SCHIP1: variants seen among roughly 807,000 people sequenced by gnomAD.
SCHIP1 encodes the protein schwannomin interacting protein 1, also known as schwannomin-interacting protein 1.
Under a neutral mutation model 29.7 loss-of-function variants are expected in SCHIP1, and 8 were observed. The observed-to-expected ratio is 0.27, with a 90% CI of 0.16 to 0.49. The LOEUF is 0.49. SCHIP1 is among the 20% of genes least tolerant of loss of function. The pLI, the probability that SCHIP1 is intolerant of heterozygous loss-of-function variation, is 0.99. For synonymous variants in SCHIP1, 76 were observed against 94.9 expected (o/e 0.80, Z 1.16); for missense variants, 193 against 294.6 (o/e 0.66, Z 2.52).
At chr3:159,328,537 TGTA>T in the SCHIP1 span, among the ~76,000 whole-genome samples, 32,476 of 151,996 alleles carry the variant, frequency 0.21, 3,573 homozygotes, top group Middle Eastern at 0.29. Flanking sequence ...TTAAAAGATA[TGTA>T]GTTTTACCTC....
chr3:159,437,233 A>G, the SCHIP1 span, among the ~76,000 whole-genome samples: 1 of 151,942 alleles, frequency 6.6e-6, no homozygotes, highest in African/African-American at 2.4e-5. Context: ...TTGATATTTG[A>G]GGGGCTCCAA....
the SCHIP1 span, among the ~76,000 whole-genome samples, chr3:159,766,038 A>G: frequency 2.0e-5 from 3 of 152,188 alleles, no homozygotes; most frequent in Non-Finnish European, 4.4e-5. Flanking sequence ...GACTTAAAAG[A>G]AAACCATCAT....
the SCHIP1 span, among the ~76,000 whole-genome samples, chr3:159,615,007 A>T: frequency 6.6e-6 from 1 of 152,226 alleles, no homozygotes; most frequent in Middle Eastern, 3.2e-3. Flanking sequence ...TTCAGTGAGG[A>T]TGTGAAAGAG....
chr3:159,283,739 C>A, the SCHIP1 span, among the ~76,000 whole-genome samples: 1 of 151,990 alleles, frequency 6.6e-6, no homozygotes, highest in Non-Finnish European at 1.5e-5. Flanking sequence ...TTAGTGGATT[C>A]TTTCGAGGTT....
At chr3:159,888,695 A>T in intron 4 of SCHIP1, 125 bp from the exon 6 acceptor site, 1 of 1,409,470 alleles carries the variant, frequency 7.1e-7, no homozygotes. Flanking sequence ...ACAGACTGGG[A>T]AAGCTTTTAA....
At chr3:159,847,711 T>C (rs1248665773) in intron 1 of SCHIP1, among the ~76,000 whole-genome samples, 1 of 152,140 alleles carries the variant, frequency 6.6e-6, no homozygotes, top group Non-Finnish European at 1.5e-5. Context: ...TAGGAAAATG[T>C]GTGATACTCT....
chr3:159,821,367 G>A, the SCHIP1 span, among the ~76,000 whole-genome samples: 2 of 152,198 alleles, frequency 1.3e-5, no homozygotes, highest in African/African-American at 4.8e-5. Context: ...AGGCAGTGCC[G>A]AGGGCGCTCT....
At chr3:159,543,185 TA>T in the SCHIP1 span, among the ~76,000 whole-genome samples, 2 of 151,690 alleles carry the variant, frequency 1.3e-5, no homozygotes, top group African/African-American at 4.8e-5. Context: ...ATGGCACTTT[TA>T]TTTTTTGTTT....
At chr3:159,881,306 T>C (rs757054844) in intron 2 of SCHIP1, among the ~76,000 whole-genome samples, 6 of 152,244 alleles carry the variant, frequency 3.9e-5, no homozygotes, top group Non-Finnish European at 5.9e-5. Context: ...TTATTCATTA[T>C]ATATAAAATC....
At chr3:159,594,147 G>A in the SCHIP1 span, among the ~76,000 whole-genome samples, 2 of 152,216 alleles carry the variant, frequency 1.3e-5, no homozygotes, top group Non-Finnish European at 2.9e-5. Flanking sequence ...CTTTGTCAAA[G>A]TATGGCTAGA....
chr3:159,273,579 A>G, the SCHIP1 span: 3 of 1,273,684 alleles, frequency 2.4e-6, no homozygotes, highest in Non-Finnish European at 3.0e-6. Flanking sequence ...TTCATCTCCC[A>G]AAAAGCTCTC....
the SCHIP1 span, among the ~76,000 whole-genome samples, chr3:159,495,434 A>G: frequency 6.6e-6 from 1 of 152,224 alleles, no homozygotes; most frequent in African/African-American, 2.4e-5. Flanking sequence ...TCAATGTGCA[A>G]AAATCACAAG....
the SCHIP1 span, among the ~76,000 whole-genome samples, chr3:159,483,075 T>C: frequency 6.6e-6 from 1 of 152,178 alleles, no homozygotes; most frequent in East Asian, 1.9e-4. Flanking sequence ...TAGCTGCAAT[T>C]TGGGGATAGC....
chr3:159,410,942 C>G, the SCHIP1 span, among the ~76,000 whole-genome samples: 2 of 151,934 alleles, frequency 1.3e-5, no homozygotes, highest in Admixed American at 6.6e-5. Context: ...ACTATGCAGC[C>G]GTGAAGAAGA....
At chr3:159,770,311 G>A in the SCHIP1 span, among the ~76,000 whole-genome samples, 9 of 152,186 alleles carry the variant, frequency 5.9e-5, no homozygotes, top group Admixed American at 2.6e-4. Context: ...CCAGGCTGGA[G>A]TGCAATGATG....
At chr3:159,828,569 G>A in the SCHIP1 span, among the ~76,000 whole-genome samples, 6 of 150,770 alleles carry the variant, frequency 4.0e-5, no homozygotes, top group Non-Finnish European at 8.9e-5. Flanking sequence ...AAAATGTATC[G>A]TACTTTTGAC....
chr3:159,355,200 GC>G, the SCHIP1 span, among the ~76,000 whole-genome samples: 2 of 151,812 alleles, frequency 1.3e-5, no homozygotes, highest in African/African-American at 4.8e-5. Context: ...AGGCACACAT[GC>G]ACACACACAT....
At chr3:159,379,129 C>A in the SCHIP1 span, among the ~76,000 whole-genome samples, 1 of 152,012 alleles carries the variant, frequency 6.6e-6, no homozygotes, top group African/African-American at 2.4e-5. Flanking sequence ...GATTTTATAG[C>A]CTGTGGTGGC....
At chr3:159,608,893 TCA>T in the SCHIP1 span, among the ~76,000 whole-genome samples, 2 of 152,192 alleles carry the variant, frequency 1.3e-5, no homozygotes, top group Non-Finnish European at 2.9e-5. Context: ...AGGCACTCTC[TCA>T]GTTTACAAGT....
Sources: allele counts gnomAD v4.1 joint callset (sites outside exome capture counted in the v4.1 genomes callset), GRCh38; gene constraint gnomAD v4.1.1; transcripts MANE v1.5; gene names NCBI Gene and HGNC (gene_info 2026-07-23, HGNC 2026-07-21).